KDM4C: variants seen among roughly 807,000 people sequenced by gnomAD.
The protein encoded by KDM4C is lysine demethylase 4C.
Under a neutral mutation model 129.3 loss-of-function variants are expected in KDM4C, and 81 were observed. That is an observed-to-expected ratio of 0.63 (90% CI 0.52 to 0.75). The LOEUF is 0.75. Among genes scored for constraint, KDM4C ranks in the 30% least tolerant of loss-of-function variants. KDM4C has a pLI of 0.00. For missense variants in KDM4C, 1,457 were observed against 1,304.0 expected (o/e 1.12, Z -1.81); for synonymous variants, 573 against 456.1 (o/e 1.26, Z -3.26).
intron 15 of KDM4C, among the ~76,000 whole-genome samples, chr9:7,026,825 T>C (rs778911884): frequency 1.2e-4 from 18 of 152,010 alleles, no homozygotes; most frequent in Non-Finnish European, 2.1e-4. Context: ...AAATAACCTG[T>C]CTTCGAGTTC....
intron 5 of KDM4C, among the ~76,000 whole-genome samples, chr9:6,864,169 A>G (rs1160982183): frequency 6.6e-6 from 1 of 151,904 alleles, no homozygotes; most frequent in African/African-American, 2.4e-5. Context: ...TCCCTTTAAG[A>G]TTTCTTGTAA....
chr9:7,125,996 G>A lies in KDM4C; in HGVS notation c.2611-2070G>A, dbSNP rs117188443. Among the ~76,000 whole-genome samples, 1,253 of 152,280 alleles carry A rather than the reference G, an allele frequency of 8.2e-3. 5 individuals are homozygous for A. Among genetic ancestry groups the A allele is most frequent in the Non-Finnish European group, 0.014 (920 of 68,010 alleles). On this transcript the variant is annotated intron_variant, in intron 18 of 21. Coordinates refer to ENST00000381309, the MANE Select transcript of KDM4C (RefSeq NM_015061.6). ...TTGTAGGAGTTCCTGAAAGGGGAACGGGGACTATAGCCTTATCTTGAAAAT... is the reference window on the plus strand; with the variant it reads ...TTGTAGGAGTTCCTGAAAGGGGAACAGGGACTATAGCCTTATCTTGAAAAT...
chr9:7,088,004 T>G (rs1037245296), intron 17 of KDM4C, among the ~76,000 whole-genome samples: 2 of 152,232 alleles, frequency 1.3e-5, no homozygotes, highest in African/African-American at 2.4e-5. Context: ...AGGTACTACT[T>G]ATCAAAAATA....
chr9:6,766,883 G>A (rs1375191480), intron 1 of KDM4C, among the ~76,000 whole-genome samples: 1 of 151,966 alleles, frequency 6.6e-6, no homozygotes, highest in Non-Finnish European at 1.5e-5. Flanking sequence ...TTAAAGAAGC[G>A]ATAAATTCCT....
intron 1 of KDM4C, among the ~76,000 whole-genome samples, chr9:6,787,032 C>G (rs2130818404): frequency 6.6e-6 from 1 of 152,214 alleles, no homozygotes; most frequent in Non-Finnish European, 1.5e-5. Flanking sequence ...CCTAAGCTAT[C>G]TAGGTCTTTA....
At chr9:7,164,111 A>G (rs544591602) in intron 19 of KDM4C, among the ~76,000 whole-genome samples, 28 of 152,348 alleles carry the variant, frequency 1.8e-4, no homozygotes, top group African/African-American at 6.3e-4. Context: ...CTGCATTTAT[A>G]GCTTGATTGG....
chr9:7,085,709 A>T (rs1360285801), intron 17 of KDM4C, among the ~76,000 whole-genome samples: 1 of 152,124 alleles, frequency 6.6e-6, no homozygotes, highest in Non-Finnish European at 1.5e-5. Context: ...TTATCTTCTC[A>T]GACTGCGTGG....
At chr9:7,015,506 A>G (rs1022678990) in intron 14 of KDM4C, among the ~76,000 whole-genome samples, 1 of 152,194 alleles carries the variant, frequency 6.6e-6, no homozygotes. Flanking sequence ...ATATTAATTT[A>G]AAAATATTAG....
chr9:6,763,593 GT>G (rs1250091711), intron 1 of KDM4C, among the ~76,000 whole-genome samples: 238 of 152,232 alleles, frequency 1.6e-3, no homozygotes, highest in African/African-American at 5.4e-3. Context: ...TGTTTCCTTT[GT>G]GTTTATGTGC....
intron 4 of KDM4C, among the ~76,000 whole-genome samples, chr9:6,824,793 A>G (rs1358195774): frequency 1.3e-5 from 2 of 152,144 alleles, no homozygotes; most frequent in Non-Finnish European, 2.9e-5. Context: ...CCAATTAAAA[A>G]ATTAGTAGGA....
intron 17 of KDM4C, among the ~76,000 whole-genome samples, chr9:7,067,525 A>G (rs1832593652): frequency 6.6e-6 from 1 of 152,196 alleles, no homozygotes; most frequent in Non-Finnish European, 1.5e-5. Context: ...TACAAGGTGC[A>G]GGGCAACTCC....
intron 15 of KDM4C, among the ~76,000 whole-genome samples, chr9:7,034,710 A>G (rs538172293): frequency 4.6e-5 from 7 of 152,324 alleles, no homozygotes; most frequent in Admixed American, 4.6e-4. Flanking sequence ...GTATTGCTGT[A>G]TCATGTGGTA....
At chr9:7,076,770 A>G (rs1353673775) in intron 17 of KDM4C, 1 of 1,098,494 alleles carries the variant, frequency 9.1e-7, no homozygotes, top group African/African-American at 1.6e-5. Context: ...TCTGTATCCT[A>G]GAGTTTCCCT....
intron 5 of KDM4C, among the ~76,000 whole-genome samples, chr9:6,862,186 C>CT (rs1841060232): frequency 6.6e-6 from 1 of 152,120 alleles, no homozygotes; most frequent in African/African-American, 2.4e-5. Flanking sequence ...GGTTAAAAAA[C>CT]TGAGTGGTTT....
chr9:6,963,632 C>T (rs1830388807), intron 8 of KDM4C, among the ~76,000 whole-genome samples: 2 of 152,200 alleles, frequency 1.3e-5, no homozygotes, highest in Non-Finnish European at 2.9e-5. Context: ...AGTGGAGAGA[C>T]AGGACATCTG....
chr9:6,750,142 G>A (rs980898400), intron 1 of KDM4C, among the ~76,000 whole-genome samples: 11 of 151,600 alleles, frequency 7.3e-5, no homozygotes, highest in Admixed American at 2.6e-4. Flanking sequence ...TTTCTTAGAG[G>A]TAAGACAGCT....
chr9:7,013,219 T>C (rs1463186045), intron 13 of KDM4C, among the ~76,000 whole-genome samples: 2 of 152,218 alleles, frequency 1.3e-5, no homozygotes, highest in African/African-American at 2.4e-5. Flanking sequence ...TCATTACTTA[T>C]ACTTTCAAGT....
chr9:6,744,872 G>A (rs1263425517), intron 1 of KDM4C, among the ~76,000 whole-genome samples: 1 of 152,032 alleles, frequency 6.6e-6, no homozygotes, highest in Non-Finnish European at 1.5e-5. Context: ...GGGAGAGCAG[G>A]GGATACCTGG....
At chr9:6,831,758 C>T (rs1159705736) in intron 4 of KDM4C, among the ~76,000 whole-genome samples, 1 of 152,134 alleles carries the variant, frequency 6.6e-6, no homozygotes, top group African/African-American at 2.4e-5. Flanking sequence ...GGGCTTGTGC[C>T]TGCTGAGGTA....
Sources: allele counts gnomAD v4.1 joint callset (sites outside exome capture counted in the v4.1 genomes callset), GRCh38; gene constraint gnomAD v4.1.1; transcripts MANE v1.5; gene names NCBI Gene and HGNC (gene_info 2026-07-23, HGNC 2026-07-21).